The following DMD variants were observed in gnomAD, a reference collection of about 807,000 sequenced individuals.
DMD encodes the protein mutant dystrophin.
Under a neutral mutation model 330.1 loss-of-function variants are expected in DMD, and 63 were observed. The observed-to-expected ratio is 0.19, with a 90% confidence interval of 0.16 to 0.24. The LOEUF is 0.24. Among genes scored for constraint, DMD ranks in the 10% least tolerant of loss-of-function variants. The probability of loss-of-function intolerance (pLI) is 1.00; values close to 1 mark genes in which losing one functional copy is unlikely to be tolerated. For synonymous variants in DMD, 1,223 were observed against 959.8 expected, an observed-to-expected ratio of 1.27 and a Z score of -5.07; for missense variants, 3,344 against 2,684.1, an observed-to-expected ratio of 1.25 and a Z score of -5.43.
At chrX:33,125,224 A>G (rs780788854) in intron 1 of DMD, among the ~76,000 whole-genome samples, 1 of 110,739 alleles carries the variant, frequency 9.0e-6, no homozygotes, top group Admixed American at 9.7e-5. Context: ...TTTTCTAAAG[A>G]TCAGCTCCAT....
At chrX:33,245,651 G>A (rs1381553806) in intron 1 of DMD, among the ~76,000 whole-genome samples, 1 of 112,190 alleles carries the variant, frequency 8.9e-6, no homozygotes, top group Non-Finnish European at 1.9e-5. Flanking sequence ...TGAAGTGCTA[G>A]AATCTCAGTT....
chrX:31,526,003 A>G (rs911566547), intron 55 of DMD, among the ~76,000 whole-genome samples: 1 of 112,267 alleles, frequency 8.9e-6, no homozygotes, highest in South Asian at 3.7e-4. Context: ...ATTGCCATGG[A>G]AAATCCTCCA....
At chrX:32,636,685 C>A (rs1404847694) in intron 11 of DMD, among the ~76,000 whole-genome samples, 1 of 111,660 alleles carries the variant, frequency 9.0e-6, no homozygotes, top group African/African-American at 3.2e-5. Context: ...CATAAAGAAG[C>A]TGCGTGGCTG....
chrX:33,268,907 CAAAAAAAA>C (rs202219233), intron 1 of DMD, among the ~76,000 whole-genome samples: 4,176 of 43,279 alleles, frequency 0.096, 204 homozygotes, highest in East Asian at 0.52. Flanking sequence ...GCCTGGGTGA[CAAAAAAAA>C]AAAAAAAAAA....
intron 43 of DMD, among the ~76,000 whole-genome samples, chrX:32,246,361 A>T (rs1485877821): frequency 8.0e-5 from 8 of 100,579 alleles, no homozygotes; most frequent in African/African-American, 2.9e-4. Context: ...TGGATTCGGT[A>T]TGCCAGTATT....
intron 1 of DMD, among the ~76,000 whole-genome samples, chrX:33,157,498 A>G (rs1459863665): frequency 2.7e-5 from 3 of 112,401 alleles, no homozygotes; most frequent in African/African-American, 6.5e-5. Flanking sequence ...AAAAGACATG[A>G]ATTTTGAGGG....
intron 17 of DMD, among the ~76,000 whole-genome samples, chrX:32,532,253 G>C (rs1234826873): frequency 8.9e-6 from 1 of 111,782 alleles, no homozygotes; most frequent in Non-Finnish European, 1.9e-5. Flanking sequence ...AGATAATCAA[G>C]TGTTGCCATG....
At chrX:32,699,359 G>C in intron 7 of DMD, 66 bp from the exon 8 acceptor site, 1 of 889,711 alleles carries the variant, frequency 1.1e-6, no homozygotes, top group Non-Finnish European at 1.7e-6. Flanking sequence ...AAAGGATAAT[G>C]AACAAATCAA....
intron 9 of DMD, among the ~76,000 whole-genome samples, chrX:32,678,857 C>A (rs1398688528): frequency 9.0e-6 from 1 of 111,512 alleles, no homozygotes; most frequent in African/African-American, 3.3e-5. Flanking sequence ...CTCCTTACAA[C>A]TTTGGCAATA....
chrX:31,341,108 T>C (rs1004763354), intron 61 of DMD, among the ~76,000 whole-genome samples: 2 of 112,088 alleles, frequency 1.8e-5, no homozygotes, highest in Non-Finnish European at 3.8e-5. Context: ...CTAACAGGCA[T>C]GCATTAAGTT....
At chrX:32,257,002 G>A (rs951198988) in intron 43 of DMD, among the ~76,000 whole-genome samples, 19 of 111,260 alleles carry the variant, frequency 1.7e-4, no homozygotes, top group African/African-American at 6.2e-4. Context: ...AAGATCACAA[G>A]CATTCCTATA....
intron 63 of DMD, among the ~76,000 whole-genome samples, chrX:31,232,094 A>AAAAAC (rs2047272711): frequency 1.9e-5 from 2 of 105,999 alleles, no homozygotes; most frequent in African/African-American, 6.8e-5. Flanking sequence ...AAAAAAAAAA[A>AAAAAC]AAAAAAAAAA....
At chrX:33,162,384 G>A (rs1240232852) in intron 1 of DMD, among the ~76,000 whole-genome samples, 1 of 111,970 alleles carries the variant, frequency 8.9e-6, no homozygotes, top group Non-Finnish European at 1.9e-5. Flanking sequence ...AGCATGAAAT[G>A]CATTTTAATA....
intron 1 of DMD, among the ~76,000 whole-genome samples, chrX:33,152,038 T>C (rs1320679586): frequency 8.9e-6 from 1 of 112,117 alleles, no homozygotes; most frequent in Non-Finnish European, 1.9e-5. Flanking sequence ...ATAGATTTGC[T>C]GTACTACTGA....
intron 44 of DMD, among the ~76,000 whole-genome samples, chrX:32,079,988 A>C (rs1350692864): frequency 8.9e-6 from 1 of 112,439 alleles, no homozygotes; most frequent in African/African-American, 3.2e-5. Flanking sequence ...TTCCATAAAG[A>C]ATTGTTTACT....
intron 1 of DMD, among the ~76,000 whole-genome samples, chrX:33,191,347 C>T (rs957938227): frequency 7.3e-5 from 8 of 109,254 alleles, no homozygotes; most frequent in African/African-American, 2.6e-4. Flanking sequence ...TGAACCTCCT[C>T]CTTTAAAAAT....
chrX:32,024,128 T>C lies in DMD; in HGVS notation c.6439-55614A>G, dbSNP rs148359081. 2.3e-4 allele frequency among the ~76,000 whole-genome samples: 26 copies of C among 112,021 alleles called. No individual in the cohort carries two copies. The East Asian group carries it at 6.7e-3, about 29-fold the overall frequency. ...AAAGAAAACCTCATACTAACATTCT[T>C]TGGAAACAGTTAAATGAAATTATTA... On this transcript the variant is annotated intron_variant, in intron 44 of 78. Coordinates refer to ENST00000357033, the MANE Select transcript of DMD (RefSeq NM_004006.3).
intron 63 of DMD, among the ~76,000 whole-genome samples, chrX:31,241,913 T>C (rs1221038706): frequency 2.7e-5 from 3 of 111,266 alleles, no homozygotes; most frequent in Non-Finnish European, 5.7e-5. Context: ...CACTCTATAA[T>C]TTAAGGCACT....
chrX:31,944,538 T>C (rs900435258), intron 45 of DMD, among the ~76,000 whole-genome samples: 1 of 106,310 alleles, frequency 9.4e-6, no homozygotes, highest in Non-Finnish European at 1.9e-5. Flanking sequence ...AGTGCAGTGG[T>C]GCGATCTCGG....
Sources: gnomAD v4.1 joint callset for allele counts (sites outside exome capture counted in the v4.1 genomes callset) on GRCh38, gnomAD v4.1.1 for gene constraint, MANE v1.5 for transcripts, NCBI Gene and HGNC (gene_info 2026-07-23, HGNC 2026-07-21) for gene names.